The following TULP4 variants were observed in gnomAD, a reference collection of about 807,000 sequenced individuals.
TULP4 encodes the protein TUB like protein 4, also known as tubby-related protein 4.
TULP4 carries 16 observed loss-of-function variants against 129.0 expected under a neutral mutation model. The observed-to-expected ratio is 0.12, with a 90% confidence interval of 0.08 to 0.19. The LOEUF (loss-of-function observed/expected upper bound fraction) is 0.19. Among genes scored for constraint, TULP4 ranks in the 10% least tolerant of loss-of-function variants. The pLI, the probability that TULP4 is intolerant of heterozygous loss-of-function variation, is 1.00. For missense variants in TULP4, 1,842 were observed against 2,059.1 expected (o/e 0.89, Z 2.04); for synonymous variants, 998 against 854.0 (o/e 1.17, Z -2.94).
chr6:158,419,618 A>G (rs1778292922), intron 2 of TULP4, among the ~76,000 whole-genome samples: 1 of 152,236 alleles, frequency 6.6e-6, no homozygotes. Context: ...ACATAAACAC[A>G]TTTAAAGGAT....
chr6:158,238,736 G>T (rs1441473150), intron 1 of TULP4, among the ~76,000 whole-genome samples: 1 of 96,968 alleles, frequency 1.0e-5, no homozygotes, highest in African/African-American at 3.8e-5. Context: ...GAGAGCACAG[G>T]GTTGGGGGTA....
Position 158,502,929 on chromosome 6 carries a change from C to T in TULP4, c.3266C>T (p.Thr1089Met), listed in dbSNP as rs140116628. 3.3e-4 allele frequency: 532 copies of T among 1,614,038 alleles called. No homozygotes were observed. The highest frequency in any genetic ancestry group is 3.3e-4 in the Middle Eastern group (2 of 6,062). ...DRTDYVNSAF[T>M]EDEALSQHCQ... is the part of the protein sequence containing the mutation. ...ACCGACTACGTCAACTCGGCCTTCACGGAGGACGAGGCCCTGTCCCAGCAC... is the reference window on the plus strand; with the variant it reads ...ACCGACTACGTCAACTCGGCCTTCATGGAGGACGAGGCCCTGTCCCAGCAC... Residue 1089 changes from threonine (T) to methionine (M), a missense_variant, in exon 13 of 14, where the codon ACG (threonine) becomes ATG (methionine). By Grantham distance (81) the Thr-to-Met change is moderately conservative. Coordinates refer to ENST00000367097, the MANE Select transcript of TULP4 (RefSeq NM_020245.5).
Position 158,454,018 on chromosome 6 carries a change from A to C in TULP4, c.859+1750A>C, listed in dbSNP as rs1416934530. 1.2e-3 allele frequency among the ~76,000 whole-genome samples: 136 copies of C among 114,510 alleles called. 1 individual carries two copies. Among genetic ancestry groups the C allele is most frequent in the African/African-American group, 2.6e-3 (75 of 28,332 alleles). 75.1% of individuals were successfully genotyped at this position (114,510 alleles called of 152,430 possible). The stretch of plus-strand genomic sequence containing the variant: ...TGGCAAGAATCATACCTGCCTCTGC[A>C]CCGCCCCCCCCCAAGTAATTACTCT... On this transcript the variant is annotated intron_variant, in intron 5 of 13. Transcript: ENST00000367097.
rs9347237 is a variant in TULP4 at position 158,509,712 on chromosome 6, A to C, written c.*3018A>C. ...CGCACGTGAGTTTGTATGAGTTTGT[A>C]CCGGAGTGACCCCGGCAGCCACTGC... On this transcript the variant is annotated 3_prime_UTR_variant, in exon 14 of 14. Coordinates refer to ENST00000367097, the MANE Select transcript of TULP4 (RefSeq NM_020245.5). 11 of 152,144 alleles carry C rather than the reference A, an allele frequency of 7.2e-5. No homozygotes were observed. The East Asian group carries it at 1.9e-3, about 27-fold the overall frequency. The allele number at this position is 152,144 out of a possible 1,614,324, so 9.4% of individuals were successfully genotyped here. A position where few individuals can be genotyped will look rare whatever the true frequency, so the allele number is the denominator to read the frequency against.
intron 8 of TULP4, among the ~76,000 whole-genome samples, chr6:158,481,942 A>G (rs1156595511): frequency 5.9e-5 from 9 of 152,164 alleles, no homozygotes; most frequent in Non-Finnish European, 4.4e-5. Context: ...GCCACTTGGT[A>G]CTAGGCTAGT....
chr6:158,269,843 G>A (rs1778514600), intron 1 of TULP4, among the ~76,000 whole-genome samples: 1 of 152,232 alleles, frequency 6.6e-6, no homozygotes, highest in Admixed American at 6.5e-5. Context: ...TACCCAGTCA[G>A]GTGGTGGGAG....
chr6:158,344,288 A>T (rs1330252080), intron 1 of TULP4, among the ~76,000 whole-genome samples: 2 of 152,208 alleles, frequency 1.3e-5, no homozygotes, highest in Non-Finnish European at 2.9e-5. Context: ...AGGTGAAATA[A>T]ACAGCCTTGT....
At chr6:158,247,494 G>A (rs750525234) in intron 1 of TULP4, among the ~76,000 whole-genome samples, 7 of 152,330 alleles carry the variant, frequency 4.6e-5, no homozygotes, top group East Asian at 3.9e-4. Context: ...GTTATAGAGT[G>A]TTGTCACTAG....
At position 158,482,888 on chromosome 6, in the gene TULP4, C is replaced by A. The variant is rs1779979216; in HGVS notation, c.1486+1599C>A. Among the ~76,000 whole-genome samples the A allele has an allele frequency of 4.6e-5, 7 of 152,326 alleles. No individual in the cohort carries two copies. The South Asian group carries it at 1.5e-3, about 32-fold the overall frequency. On this transcript the variant is annotated intron_variant, in intron 8 of 13. Transcript: ENST00000367097. ...AGGACTGGGCTTGCTTGAATCTGAC[C>A]CGACTACGCCAAATGCCTGCTCTTC... is the stretch of plus-strand genomic sequence containing the variant.
chr6:158,365,934 G>C, intron 1 of TULP4, among the ~76,000 whole-genome samples: 2 of 101,632 alleles, frequency 2.0e-5, no homozygotes, highest in Admixed American at 3.3e-4. Context: ...ATGGAGTCTC[G>C]CTCTGTCGCC....
intron 1 of TULP4, among the ~76,000 whole-genome samples, chr6:158,326,608 A>G (rs1437696259): frequency 6.6e-6 from 1 of 152,140 alleles, no homozygotes; most frequent in Non-Finnish European, 1.5e-5. Context: ...ATCTCTGTAA[A>G]TGTCTTAATT....
At chr6:158,442,045 C>T (rs1778909274) in intron 3 of TULP4, among the ~76,000 whole-genome samples, 1 of 152,144 alleles carries the variant, frequency 6.6e-6, no homozygotes, top group Non-Finnish European at 1.5e-5. Flanking sequence ...CTATGCCTCC[C>T]TCCTCCTCCC....
intron 1 of TULP4, among the ~76,000 whole-genome samples, chr6:158,331,287 C>T (rs1779871710): frequency 6.6e-6 from 1 of 152,138 alleles, no homozygotes; most frequent in South Asian, 2.1e-4. Flanking sequence ...TGGCAGCTGA[C>T]AGATGTAATC....
intron 1 of TULP4, among the ~76,000 whole-genome samples, chr6:158,240,172 T>A (rs866638139): frequency 1.9e-3 from 39 of 20,756 alleles, no homozygotes; most frequent in Non-Finnish European, 2.1e-3. Context: ...CGGAGGGCTG[T>A]CCCCCCCACC....
chr6:158,460,713 G>C (rs541003102), intron 5 of TULP4, among the ~76,000 whole-genome samples: 1 of 152,192 alleles, frequency 6.6e-6, no homozygotes, highest in Non-Finnish European at 1.5e-5. Context: ...TCATATGCAT[G>C]TGTGTCCTTT....
intron 1 of TULP4, among the ~76,000 whole-genome samples, chr6:158,359,957 C>A (rs6914862): frequency 2.6e-5 from 4 of 152,070 alleles, no homozygotes; most frequent in Admixed American, 2.0e-4. Context: ...CTTTGTAACT[C>A]TGAAGGGCAT....
Position 158,242,306 on chromosome 6 carries a change from T to G in TULP4, n.68+10003T>G, listed in dbSNP as rs530975840. On this transcript the variant is annotated intron_variant and non_coding_transcript_variant, in intron 1 of 1. Coordinates refer to the TULP4 transcript ENST00000620026. The stretch of plus-strand genomic sequence containing the variant: ...GTGTTTAGCACAGCTCATGTGTGCC[T>G]TCTTGGAAGCCCAGGCTCTCTGGAG... 51 of 1,560,790 alleles carry G rather than the reference T, an allele frequency of 3.3e-5. 1 individual carries two copies. Among genetic ancestry groups the G allele is most frequent in the South Asian group, 1.3e-4 (12 of 89,822 alleles).
At chr6:158,263,203 G>A (rs1346192628) in intron 1 of TULP4, among the ~76,000 whole-genome samples, 1 of 152,168 alleles carries the variant, frequency 6.6e-6, no homozygotes, top group African/African-American at 2.4e-5. Flanking sequence ...ATCAGGACTT[G>A]AACTGTTGAA....
At position 158,413,200 on chromosome 6, in the gene TULP4, G is replaced by T. The variant is rs1394451684; in HGVS notation, c.381+7G>T. 1 of 1,608,742 alleles carries T rather than the reference G, an allele frequency of 6.2e-7. No individual in the cohort carries two copies. Among genetic ancestry groups the T allele is most frequent in the South Asian group, 1.1e-5 (1 of 90,588 alleles). ...CAACGACCGCGGGGCGCAGGTGAGT[G>T]GCAGGCGCAGCTCTGCCAGTGAAGG... On this transcript the variant is annotated splice_region_variant and intron_variant, in intron 2 of 13. Coordinates refer to ENST00000367097, the MANE Select transcript of TULP4 (RefSeq NM_020245.5). The surrounding 1 kb of genome is among the most constrained non-coding windows in gnomAD (Gnocchi z 4.9).
Sources: allele counts gnomAD v4.1 joint callset (sites outside exome capture counted in the v4.1 genomes callset), GRCh38; gene constraint gnomAD v4.1.1; non-coding constraint Gnocchi (gnomAD v3.1); transcripts MANE v1.5; gene names NCBI Gene and HGNC (gene_info 2026-07-23, HGNC 2026-07-21).